Variants in DGKB observed in about 807,000 individuals in gnomAD.
The protein encoded by DGKB is diacylglycerol kinase beta.
DGKB carries 67 observed loss-of-function variants against 114.3 expected under a neutral mutation model. The observed-to-expected ratio is 0.59, with a 90% CI of 0.48 to 0.72. The LOEUF is 0.72. DGKB is among the 30% of genes least tolerant of loss of function. DGKB has a pLI of 0.00. For synonymous variants in DGKB, 398 were observed against 323.1 expected, an observed-to-expected ratio of 1.23 and a Z score of -2.49; for missense variants, 907 against 975.2, an observed-to-expected ratio of 0.93 and a Z score of 0.93.
chr7:14,729,123 C>CTTTTTT (rs1162368398), intron 5 of DGKB, among the ~76,000 whole-genome samples: 15 of 113,360 alleles, frequency 1.3e-4, no homozygotes, highest in African/African-American at 3.6e-4. Flanking sequence ...CATTTTCTTT[C>CTTTTTT]TTTTTTTTTT....
chr7:14,814,559 C>T (rs753734378), intron 2 of DGKB, among the ~76,000 whole-genome samples: 10 of 151,960 alleles, frequency 6.6e-5, no homozygotes, highest in African/African-American at 1.2e-4. Flanking sequence ...TCTTCAAGAT[C>T]GAAAGACTTA....
At chr7:14,777,066 A>G (rs547281197) in intron 2 of DGKB, among the ~76,000 whole-genome samples, 1 of 152,084 alleles carries the variant, frequency 6.6e-6, no homozygotes, top group Non-Finnish European at 1.5e-5. Flanking sequence ...TTGAGGTTTA[A>G]TGACTGCCCT....
intron 1 of DGKB, among the ~76,000 whole-genome samples, chr7:14,947,140 T>C (rs1389621571): frequency 6.6e-6 from 1 of 151,630 alleles, no homozygotes; most frequent in Non-Finnish European, 1.5e-5. Flanking sequence ...AGCAAAATTC[T>C]AATTTTTGAG....
chr7:14,212,058 A>C (rs199639180), intron 23 of DGKB, among the ~76,000 whole-genome samples: 1 of 15,006 alleles, frequency 6.7e-5, no homozygotes, highest in South Asian at 4.5e-3. Flanking sequence ...ATTTACTCTC[A>C]TGTTTTGTGA....
At chr7:14,855,534 C>T (rs1358599432) in intron 1 of DGKB, among the ~76,000 whole-genome samples, 1 of 152,178 alleles carries the variant, frequency 6.6e-6, no homozygotes, top group East Asian at 1.9e-4. Context: ...CACACAAACA[C>T]ACACCCACAC....
At chr7:14,397,818 T>G (rs924027321) in intron 21 of DGKB, among the ~76,000 whole-genome samples, 6 of 152,154 alleles carry the variant, frequency 3.9e-5, no homozygotes, top group Admixed American at 1.3e-4. Flanking sequence ...GAATGCTTTC[T>G]TATGTCAAGT....
chr7:14,917,760 A>G (rs543531479), intron 1 of DGKB, among the ~76,000 whole-genome samples: 3 of 152,046 alleles, frequency 2.0e-5, no homozygotes, highest in East Asian at 3.9e-4. Flanking sequence ...CCACTTCCCA[A>G]CTCATTCTAT....
intron 20 of DGKB, among the ~76,000 whole-genome samples, chr7:14,572,243 G>C (rs910744411): frequency 6.6e-6 from 1 of 151,474 alleles, no homozygotes; most frequent in Non-Finnish European, 1.5e-5. Context: ...CATGAGGTCA[G>C]GAGATCCAGA....
intron 21 of DGKB, among the ~76,000 whole-genome samples, chr7:14,378,555 A>C (rs1198981977): frequency 6.6e-6 from 1 of 152,168 alleles, no homozygotes; most frequent in Non-Finnish European, 1.5e-5. Flanking sequence ...GTGATTCAAA[A>C]AGTCACTTAA....
At chr7:14,709,660 T>G (rs888527101) in intron 6 of DGKB, among the ~76,000 whole-genome samples, 5 of 146,820 alleles carry the variant, frequency 3.4e-5, no homozygotes, top group African/African-American at 1.3e-4. Flanking sequence ...GTTCATGTCC[T>G]TTGTAGGGAC....
intron 23 of DGKB, among the ~76,000 whole-genome samples, chr7:14,322,090 C>T: frequency 6.6e-6 from 1 of 152,138 alleles, no homozygotes; most frequent in East Asian, 1.9e-4. Flanking sequence ...GATGAATCGA[C>T]CCATAGGGTA....
intron 3 of DGKB, among the ~76,000 whole-genome samples, chr7:14,754,271 G>T (rs1834542924): frequency 6.6e-6 from 1 of 152,046 alleles, no homozygotes; most frequent in South Asian, 2.1e-4. Context: ...CAGAATCAAT[G>T]ACTAGATCAA....
chr7:14,535,970 A>G (rs1173201606), intron 20 of DGKB, among the ~76,000 whole-genome samples: 1 of 152,204 alleles, frequency 6.6e-6, no homozygotes, highest in Non-Finnish European at 1.5e-5. Flanking sequence ...ATAATGAAAC[A>G]GGAGTGAATA....
At chr7:14,309,534 A>G (rs925216697) in intron 23 of DGKB, among the ~76,000 whole-genome samples, 3 of 152,226 alleles carry the variant, frequency 2.0e-5, no homozygotes, top group African/African-American at 7.2e-5. Context: ...GATAGTTGTT[A>G]TAATGATACA....
chr7:14,584,306 G>A (rs2128730304), intron 17 of DGKB, among the ~76,000 whole-genome samples: 1 of 152,100 alleles, frequency 6.6e-6, no homozygotes, highest in Admixed American at 6.6e-5. Context: ...AAAAAGTATT[G>A]TATTTAACAT....
chr7:14,883,924 G>A (rs749997454), intron 1 of DGKB, among the ~76,000 whole-genome samples: 6 of 151,950 alleles, frequency 3.9e-5, no homozygotes, highest in Non-Finnish European at 8.8e-5. Context: ...ATAAATAGGT[G>A]CTTCCATCAC....
rs143309180 is a variant in DGKB, at chr7:14,174,767, C to T, written c.2304+2072G>A. Among the ~76,000 whole-genome samples, 61 of 152,218 alleles carry T rather than the reference C, an allele frequency of 4.0e-4. No homozygotes were observed. In the East Asian group the frequency reaches 0.012, roughly 29 times the overall value. On this transcript the variant is annotated intron_variant, in intron 25 of 25. Transcript: ENST00000402815. Reference sequence around the variant, plus strand: ...ACCACCTCTGCAATAGCATCACCACCATCACTATCACCATTATCATCACTA... The same window carrying T: ...ACCACCTCTGCAATAGCATCACCACTATCACTATCACCATTATCATCACTA...
In DGKB at chr7:14,965,055, T is replaced by C. The variant is rs544849005; in HGVS notation, c.-188+9641A>G. On this transcript the variant is annotated intron_variant, in intron 1 of 4. Coordinates refer to the DGKB transcript ENST00000437998. Reference sequence around the variant, plus strand: ...ATTTCCTTCTTCATGATTGGTTTTATGATGTTAACACAAATTTCATTTGGG... The same window carrying C: ...ATTTCCTTCTTCATGATTGGTTTTACGATGTTAACACAAATTTCATTTGGG... Among the ~76,000 whole-genome samples the C allele has an allele frequency of 2.3e-4, 35 of 152,272 alleles. No individual in the cohort carries two copies. In the South Asian group the frequency reaches 6.8e-3, roughly 30 times the overall value.
At chr7:14,363,557 G>A (rs1014570640) in intron 21 of DGKB, among the ~76,000 whole-genome samples, 1 of 152,050 alleles carries the variant, frequency 6.6e-6, no homozygotes, top group Admixed American at 6.6e-5. Flanking sequence ...AGGCATTTGA[G>A]CCTGCGATAG....
Sources: allele counts gnomAD v4.1 joint callset (sites outside exome capture counted in the v4.1 genomes callset), GRCh38; gene constraint gnomAD v4.1.1; transcripts MANE v1.5; gene names NCBI Gene and HGNC (gene_info 2026-07-23, HGNC 2026-07-21).